CAPRIN1: variants seen among roughly 807,000 people sequenced by gnomAD.
CAPRIN1 encodes cell cycle associated protein 1.
In CAPRIN1, 29 loss-of-function variants were observed where a neutral mutation model predicts 100.9. That is an observed-to-expected ratio of 0.29 (90% CI 0.21 to 0.39). The LOEUF (loss-of-function observed/expected upper bound fraction) is 0.39, where lower values mean the gene tolerates loss of function less well. CAPRIN1 is among the 10% of genes least tolerant of loss of function. CAPRIN1 has a pLI of 1.00. For missense variants in CAPRIN1, 795 were observed against 876.7 expected (o/e 0.91, Z 1.18); for synonymous variants, 338 against 307.5 (o/e 1.10, Z -1.04).
chr11:34,095,560 G>A (rs1379715315), intron 15 of CAPRIN1, among the ~76,000 whole-genome samples: 1 of 152,186 alleles, frequency 6.6e-6, no homozygotes, highest in East Asian at 1.9e-4. Context: ...AGATTTTCAA[G>A]AGTCATACAG....
chr11:34,052,115 G>T (rs1000088953), intron 1 of CAPRIN1: 2 of 150,656 alleles, frequency 1.3e-5, no homozygotes, highest in Non-Finnish European at 1.5e-5. Flanking sequence ...TTGGCGGCCG[G>T]CGCGGCGATG....
In CAPRIN1 at chr11:34,101,991, T is replaced by C. The variant is rs1022910678; in HGVS notation, c.*2624T>C. The stretch of plus-strand genomic sequence containing the variant: ...GTAGAATGTTATTGATTACCTTGAT[T>C]AGGGCAGTTTTATTTCCAGATCCTA... On this transcript the variant is annotated 3_prime_UTR_variant, in exon 19 of 19. Transcript: ENST00000341394. Among the ~76,000 whole-genome samples, 1 of 152,228 alleles carries C rather than the reference T, an allele frequency of 6.6e-6. No individual in the cohort carries two copies. The highest frequency in any genetic ancestry group is 1.5e-5 in the Non-Finnish European group (1 of 68,014).
chr11:34,099,350 A>T lies in CAPRIN1; in HGVS notation c.2113A>T (p.Thr705Ser). The T allele has an allele frequency of 6.2e-7, 1 of 1,613,774 alleles. No homozygotes were observed. Residue 705 changes from threonine to serine, a missense_variant, in exon 19 of 19, where the codon ACT becomes TCT. Around this residue, in one of 3 missense-constraint regions of CAPRIN1, gnomAD observed 648 missense variants for 697.9 expected, o/e 0.93. Coordinates refer to ENST00000341394, the MANE Select transcript of CAPRIN1 (RefSeq NM_005898.5). ...RPNRGMPQMNTQQVN is the reference protein window; with the variant it reads ...RPNRGMPQMNSQQVN ...CAACAGAGGGATGCCGCAAATGAAC[A>T]CTCAGCAAGTGAATTAATCTGATTC...
chr11:34,091,942 G>A lies in CAPRIN1; in HGVS notation c.1591G>A (p.Glu531Lys), dbSNP rs1324425337. ...NMNAPVPPVN[E>K]PETLKQQNQY... ...GAATGCCCCAGTTCCTCCTGTTAATGAACCAGAAACTTTAAAACAGCAAAA... is the reference window on the plus strand; with the variant it reads ...GAATGCCCCAGTTCCTCCTGTTAATAAACCAGAAACTTTAAAACAGCAAAA... Residue 531 changes from glutamate to lysine, a missense_variant, in exon 15 of 19, where the codon GAA (glutamate) becomes AAA (lysine). Physicochemically the swap from Glu to Lys is moderately conservative, Grantham distance 56. Transcript: ENST00000341394. 1 of 1,613,730 alleles carries A rather than the reference G, an allele frequency of 6.2e-7. No individual in the cohort carries two copies. Among genetic ancestry groups the A allele is most frequent in the Non-Finnish European group, 8.5e-7 (1 of 1,179,888 alleles).
intron 15 of CAPRIN1, among the ~76,000 whole-genome samples, chr11:34,094,028 T>G (rs558378246): frequency 6.6e-6 from 1 of 152,314 alleles, no homozygotes; most frequent in South Asian, 2.1e-4. Flanking sequence ...TATATGTGTA[T>G]TTATGGTATA....
At chr11:34,065,400 T>C (rs1294548996) in intron 2 of CAPRIN1, among the ~76,000 whole-genome samples, 1 of 152,218 alleles carries the variant, frequency 6.6e-6, no homozygotes, top group Non-Finnish European at 1.5e-5. Flanking sequence ...TAAGCATGCA[T>C]CAGAATCACC....
At chr11:34,073,726 C>T (rs1007788489) in intron 4 of CAPRIN1, among the ~76,000 whole-genome samples, 6 of 152,234 alleles carry the variant, frequency 3.9e-5, no homozygotes, top group African/African-American at 1.2e-4. Context: ...TGCCTAGCTT[C>T]AATTACTTAA....
At chr11:34,076,714 T>G in intron 6 of CAPRIN1, 72 bp downstream of exon 6, 1 of 1,077,964 alleles carries the variant, frequency 9.3e-7, no homozygotes. Flanking sequence ...ATGTTTATAG[T>G]TCACTTGGAA....
At chr11:34,099,164 A>C in intron 18 of CAPRIN1, 139 bp from the exon 19 acceptor site, 1 of 1,474,224 alleles carries the variant, frequency 6.8e-7, no homozygotes, top group South Asian at 1.4e-5. Context: ...GGAAACTTGA[A>C]CACTGAAGAA....
At chr11:34,092,096 C>CGGAA (rs772765725) in intron 15 of CAPRIN1, 40 bp downstream of exon 15, 1 of 1,601,780 alleles carries the variant, frequency 6.2e-7, no homozygotes, top group East Asian at 2.2e-5. Context: ...CCTTGCTTTC[C>CGGAA]AGCACAGTTA....
rs141569743 is a variant in CAPRIN1, at chr11:34,066,878, C to T, written c.217-4848C>T. On this transcript the variant is annotated intron_variant, in intron 2 of 18. Coordinates refer to ENST00000341394, the MANE Select transcript of CAPRIN1 (RefSeq NM_005898.5). The stretch of plus-strand genomic sequence containing the variant: ...CCAGCTCTTGACCTTGTGATCCACC[C>T]GCCTCAGCCTCCCGAAGTGCTAGCA... 7.4e-3 allele frequency among the ~76,000 whole-genome samples: 1,101 copies of T among 148,074 alleles called. 4 individuals carry two copies. The highest frequency in any genetic ancestry group is 0.03 in the Middle Eastern group (8 of 266).
chr11:34,080,977 C>T (rs73501017), intron 7 of CAPRIN1, among the ~76,000 whole-genome samples: 15,507 of 152,148 alleles, frequency 0.1, 845 homozygotes, highest in African/African-American at 0.15. Context: ...TATGCTGCTT[C>T]ATACTACTAC....
chr11:34,079,904 A>AGTTTTTTGTTTTTTGTTTTTTGTTTTTT lies in CAPRIN1; in HGVS notation c.826+146_826+147insGTTTTTTGTTTTTTGTTTTTTGTTTTTT, dbSNP rs1565091690. The AGTTTTTTGTTTTTTGTTTTTTGTTTTTT allele has an allele frequency of 6.0e-6, 3 of 496,410 alleles. 1 individual carries two copies. In the African/African-American group the frequency reaches 6.8e-5, roughly 11 times the overall value. The allele number at this position is 496,410 out of a possible 1,614,324, so 30.8% of individuals were successfully genotyped here. Reference sequence around the variant, plus strand: ...TTTAAAGAGACTTTAAGCATGACAAAGTTTTTTTTTTTTTTTTTTTTTTTT... The same window carrying AGTTTTTTGTTTTTTGTTTTTTGTTTTTT: ...TTTAAAGAGACTTTAAGCATGACAAAGTTTTTTGTTTTTTGTTTTTTGTTTTTTGTTTTTTTTTTTTTTTTTTTTTTTT... On this transcript the variant is annotated intron_variant, in intron 7 of 18. Transcript: ENST00000341394.
chr11:34,060,201 A>C (rs1485973419), intron 2 of CAPRIN1, among the ~76,000 whole-genome samples: 2 of 150,982 alleles, frequency 1.3e-5, no homozygotes, highest in Non-Finnish European at 3.0e-5. Flanking sequence ...ATCTCAAAAA[A>C]AAAAAAAAAA....
At position 34,096,775 on chromosome 11, in the gene CAPRIN1, A is replaced by G. The variant is rs2134139028; in HGVS notation, c.1900+102A>G. 6.4e-6 allele frequency: 5 copies of G among 777,994 alleles called. No individual in the cohort carries two copies. The East Asian group carries it at 1.1e-4, about 17-fold the overall frequency. 48.2% of individuals were successfully genotyped at this position (777,994 alleles called of 1,614,324 possible). ...CAGTTTTTGGGAAGGATGTATCTGCATTAGCCTCCTATGTGCAATTTAAAC... is the reference window on the plus strand; with the variant it reads ...CAGTTTTTGGGAAGGATGTATCTGCGTTAGCCTCCTATGTGCAATTTAAAC... On this transcript the variant is annotated intron_variant, in intron 16 of 18. Coordinates refer to ENST00000341394, the MANE Select transcript of CAPRIN1 (RefSeq NM_005898.5).
chr11:34,084,801 T>G lies in CAPRIN1; in HGVS notation c.967-1263T>G, dbSNP rs58082950. On this transcript the variant is annotated intron_variant, in intron 9 of 18. Transcript: ENST00000341394. ...AAATGAACTATTAACATATTTGTTT[T>G]ATTGAACATAGAATGCAAGGTAAAT... Among the ~76,000 whole-genome samples the G allele has an allele frequency of 2.1e-3, 313 of 152,326 alleles. 2 individuals are homozygous for G. Among genetic ancestry groups the G allele is most frequent in the African/African-American group, 6.8e-3 (284 of 41,572 alleles).
At chr11:34,097,163 G>A in intron 16 of CAPRIN1, 33 bp from the exon 17 acceptor site, 1 of 1,469,372 alleles carries the variant, frequency 6.8e-7, no homozygotes, top group Non-Finnish European at 9.5e-7. Flanking sequence ...GTGAAGATAA[G>A]AAAATTATTT....
chr11:34,079,503 TTATGTGTA>T (rs146558401), intron 6 of CAPRIN1, 117 bp from the exon 7 acceptor site: 62,741 of 668,082 alleles, frequency 0.094, 3,227 homozygotes, highest in African/African-American at 0.15. Context: ...TGTAATCTTT[TTATGTGTA>T]TATGTGTTTT....
intron 14 of CAPRIN1, chr11:34,091,691 C>A: frequency 2.5e-6 from 1 of 399,786 alleles, no homozygotes; most frequent in Non-Finnish European, 4.4e-6. Context: ...CATTTCACAG[C>A]ATATTATACT....
Sources: allele counts gnomAD v4.1 joint callset (sites outside exome capture counted in the v4.1 genomes callset), GRCh38; gene constraint gnomAD v4.1.1; regional missense constraint gnomAD v4.1.1; transcripts MANE v1.5; gene names NCBI Gene and HGNC (gene_info 2026-07-23, HGNC 2026-07-21).